The following MCF2 variants were observed in gnomAD, a reference collection of about 807,000 sequenced individuals.
The protein encoded by MCF2 is MCF.2 cell line derived transforming sequence.
MCF2 carries 44 observed loss-of-function variants against 82.5 expected under a neutral mutation model. The observed-to-expected ratio is 0.53, with a 90% CI of 0.42 to 0.69. MCF2 has a LOEUF of 0.69. MCF2 is among the 30% of genes least tolerant of loss of function. MCF2 has a pLI of 0.00. For missense variants in MCF2, 623 were observed against 663.1 expected (o/e 0.94, Z 0.66); for synonymous variants, 217 against 224.9 (o/e 0.96, Z 0.32).
intron 1 of MCF2, among the ~76,000 whole-genome samples, chrX:139,696,255 C>A (rs1935375354): frequency 9.6e-6 from 1 of 104,523 alleles, no homozygotes; most frequent in African/African-American, 3.4e-5. Context: ...AGAGGGAATA[C>A]CCTCCCTCCC....
chrX:139,692,084 G>C, intron 1 of MCF2: 1 of 1,164,575 alleles, frequency 8.6e-7, no homozygotes, highest in African/African-American at 1.8e-5. Flanking sequence ...TCCTGCCGCA[G>C]GACACTGAGG....
chrX:139,642,949 A>C, upstream of MCF2: 1 of 402,301 alleles, frequency 2.5e-6, no homozygotes, highest in Non-Finnish European at 3.3e-6. Context: ...GAATGCTAAG[A>C]ATCTTTGTGA....
chrX:139,626,825 G>A, intron 4 of MCF2, 69 bp from the exon 8 acceptor site: 1 of 925,120 alleles, frequency 1.1e-6, no homozygotes, highest in Non-Finnish European at 1.5e-6. Context: ...TGGGAAGGGA[G>A]CATACAACTA....
chrX:139,605,047 T>G, intron 13 of MCF2, 63 bp from the exon 18 acceptor site: 1 of 564,337 alleles, frequency 1.8e-6, no homozygotes, highest in Middle Eastern at 4.6e-4. Flanking sequence ...GTTGGGCTAC[T>G]AATGGTGTAG....
exon 8 of MCF2, chrX:139,617,690 C>A: frequency 8.6e-7 from 1 of 1,169,228 alleles, no homozygotes. Flanking sequence ...CAAACTGGGC[C>A]TTTGATAATA....
intron 1 of MCF2, among the ~76,000 whole-genome samples, chrX:139,635,285 CAG>C (rs200016074): frequency 1.8e-5 from 2 of 110,565 alleles, no homozygotes; most frequent in East Asian, 5.7e-4. Context: ...GACAGAGAAA[CAG>C]AGAGTTCCAA....
intron 23 of MCF2, among the ~76,000 whole-genome samples, chrX:139,585,526 T>C (rs748352644): frequency 9.0e-6 from 1 of 111,620 alleles, no homozygotes; most frequent in East Asian, 2.8e-4. Context: ...ATTACCTTTT[T>C]CTCCTCAACC....
intron 10 of MCF2, among the ~76,000 whole-genome samples, chrX:139,611,254 C>T (rs1361511731): frequency 2.7e-5 from 3 of 111,660 alleles, no homozygotes; most frequent in Non-Finnish European, 5.6e-5. Flanking sequence ...CTCAGGAAAA[C>T]GAAGGGCTGC....
At chrX:139,651,189 T>C (rs1009618018) in intron 2 of MCF2, among the ~76,000 whole-genome samples, 1 of 111,387 alleles carries the variant, frequency 9.0e-6, no homozygotes, top group Non-Finnish European at 1.9e-5. Flanking sequence ...TGATAAGTTG[T>C]ATGTTAAATT....
intron 18 of MCF2, among the ~76,000 whole-genome samples, chrX:139,597,201 T>G (rs755888802): frequency 9.0e-6 from 1 of 111,469 alleles, no homozygotes; most frequent in South Asian, 3.8e-4. Flanking sequence ...TTTTCTTAGC[T>G]GACTCAAACA....
At chrX:139,634,269 T>C (rs779948025) in intron 1 of MCF2, among the ~76,000 whole-genome samples, 2 of 112,129 alleles carry the variant, frequency 1.8e-5, no homozygotes, top group East Asian at 5.6e-4. Flanking sequence ...TACTAGTAAT[T>C]AAACAAAACT....
intron 6 of MCF2, among the ~76,000 whole-genome samples, chrX:139,624,023 G>T (rs1932603470): frequency 1.8e-5 from 2 of 111,162 alleles, no homozygotes; most frequent in Non-Finnish European, 1.9e-5. Context: ...AGTTAGAAGG[G>T]GAGTAAAAGT....
At chrX:139,582,627 C>T (rs1928573606) in intron 24 of MCF2, 124 bp from the exon 29 acceptor site, 2 of 445,905 alleles carry the variant, frequency 4.5e-6, no homozygotes, top group South Asian at 4.4e-5. Flanking sequence ...CATTGTGTTG[C>T]TCTTTTATAT....
intron 15 of MCF2, among the ~76,000 whole-genome samples, chrX:139,604,057 AC>A (rs1930777321): frequency 9.0e-6 from 1 of 111,196 alleles, no homozygotes; most frequent in Non-Finnish European, 1.9e-5. Context: ...AGAAGCATAC[AC>A]AAAAAATATT....
At chrX:139,605,157 T>A (rs79556343) in intron 13 of MCF2, among the ~76,000 whole-genome samples, 173 bp from the exon 18 acceptor site, 12 of 26,603 alleles carry the variant, frequency 4.5e-4, no homozygotes, top group African/African-American at 9.0e-4. Context: ...TATCCATGAC[T>A]TTTTTTTTTT....
At chrX:139,642,694 A>C (rs1240074797) in exon 1 of MCF2, 41 of 1,094,470 alleles carry the variant, frequency 3.7e-5, no homozygotes, top group African/African-American at 3.0e-4. Flanking sequence ...AAAAAAAAAA[A>C]AAACCACTAT....
At chrX:139,616,615 C>T (rs775369239) in intron 8 of MCF2, 142 bp from the exon 12 acceptor site, 5 of 329,775 alleles carry the variant, frequency 1.5e-5, no homozygotes, top group African/African-American at 1.1e-4. Context: ...AAAAAGATAT[C>T]TGGGTTCTGC....
intron 1 of MCF2, among the ~76,000 whole-genome samples, chrX:139,660,932 T>A (rs1418119233): frequency 9.0e-6 from 1 of 111,575 alleles, no homozygotes; most frequent in African/African-American, 3.3e-5. Flanking sequence ...AGCATAAAAA[T>A]TAAGAGAAGA....
chrX:139,689,742 C>T (rs984273086), intron 1 of MCF2, among the ~76,000 whole-genome samples: 2 of 109,936 alleles, frequency 1.8e-5, no homozygotes, highest in African/African-American at 6.6e-5. Context: ...GTGTGCATCT[C>T]TCAAGATTCA....
Sources: allele counts gnomAD v4.1 joint callset (sites outside exome capture counted in the v4.1 genomes callset), GRCh38; gene constraint gnomAD v4.1.1; transcripts MANE v1.5; gene names NCBI Gene and HGNC (gene_info 2026-07-23, HGNC 2026-07-21).